The following TENM3 variants were observed in gnomAD, a reference collection of about 807,000 sequenced individuals.
The protein encoded by TENM3 is teneurin-3.
In TENM3, 63 loss-of-function variants were observed where a neutral mutation model predicts 255.1. The ratio of observed to expected loss-of-function variants is 0.25; its 90% CI spans 0.20 to 0.30. The LOEUF (loss-of-function observed/expected upper bound fraction) is 0.30, where lower values mean the gene tolerates loss of function less well. TENM3 is among the 10% of genes least tolerant of loss of function. The probability of loss-of-function intolerance (pLI) is 1.00; values close to 1 mark genes in which losing one functional copy is unlikely to be tolerated. For missense variants in TENM3, 2,929 were observed against 3,461.1 expected (o/e 0.85, Z 3.86); for synonymous variants, 1,306 against 1,322.3 (o/e 0.99, Z 0.27).
At chr4:182,528,161 A>C (rs1350853159) in intron 3 of TENM3, among the ~76,000 whole-genome samples, 1 of 152,172 alleles carries the variant, frequency 6.6e-6, no homozygotes, top group East Asian at 1.9e-4. Flanking sequence ...TCTGTCGCCA[A>C]GGCTGGAGTG....
the TENM3 span, among the ~76,000 whole-genome samples, chr4:181,577,152 TA>T: frequency 4.4e-5 from 6 of 135,106 alleles, no homozygotes; most frequent in African/African-American, 1.7e-4. Flanking sequence ...ATAATTAATA[TA>T]TATATAAATA....
chr4:181,692,998 C>T, the TENM3 span, among the ~76,000 whole-genome samples: 1 of 152,060 alleles, frequency 6.6e-6, no homozygotes, highest in Non-Finnish European at 1.5e-5. Flanking sequence ...TTGGGATCCC[C>T]TTGGAGCCCC....
intron 6 of TENM3, among the ~76,000 whole-genome samples, chr4:182,654,821 C>G (rs749419791): frequency 2.6e-5 from 4 of 152,020 alleles, no homozygotes; most frequent in Non-Finnish European, 5.9e-5. Context: ...TCACATGTAC[C>G]CATTTACTGG....
At chr4:182,309,844 G>A (rs1436836335) in intron 1 of TENM3, among the ~76,000 whole-genome samples, 3 of 152,138 alleles carry the variant, frequency 2.0e-5, no homozygotes, top group Admixed American at 1.3e-4. Context: ...CGGACACCGG[G>A]CAATGTACTT....
chr4:181,641,716 T>TATATATC, the TENM3 span, among the ~76,000 whole-genome samples: 10 of 123,526 alleles, frequency 8.1e-5, no homozygotes, highest in East Asian at 2.0e-3. Context: ...TATTATATAT[T>TATATATC]ATATGTATAA....
At chr4:182,223,117 A>G (rs1755941676) in intron 1 of TENM3, among the ~76,000 whole-genome samples, 1 of 152,232 alleles carries the variant, frequency 6.6e-6, no homozygotes, top group Non-Finnish European at 1.5e-5. Flanking sequence ...AAAAGAGAGA[A>G]GAAACTATGG....
At chr4:182,562,160 C>A (rs1743269724) in intron 3 of TENM3, among the ~76,000 whole-genome samples, 1 of 152,074 alleles carries the variant, frequency 6.6e-6, no homozygotes, top group African/African-American at 2.4e-5. Context: ...GTCTAGGCAA[C>A]CTTAGGCTGT....
intron 1 of TENM3, among the ~76,000 whole-genome samples, chr4:182,185,980 TA>T (rs1753123957): frequency 6.6e-6 from 1 of 152,188 alleles, no homozygotes; most frequent in Non-Finnish European, 1.5e-5. Flanking sequence ...CATTCTAAGA[TA>T]ATTAAAGTAA....
At chr4:182,062,107 A>G in the TENM3 span, among the ~76,000 whole-genome samples, 1 of 152,220 alleles carries the variant, frequency 6.6e-6, no homozygotes, top group East Asian at 1.9e-4. Flanking sequence ...ACAAAATGCA[A>G]GTTAGCCTGA....
intron 4 of TENM3, among the ~76,000 whole-genome samples, chr4:182,615,100 G>A (rs1211236972): frequency 7.1e-5 from 10 of 140,504 alleles, no homozygotes; most frequent in East Asian, 2.1e-4. Context: ...TAGCAGATAC[G>A]TAAAGTGAAA....
At chr4:182,020,410 G>C in the TENM3 span, among the ~76,000 whole-genome samples, 1 of 151,994 alleles carries the variant, frequency 6.6e-6, no homozygotes, top group Non-Finnish European at 1.5e-5. Context: ...CTGGGGGAAA[G>C]GGGGAATAGA....
At chr4:181,822,578 C>G in the TENM3 span, among the ~76,000 whole-genome samples, 1 of 152,158 alleles carries the variant, frequency 6.6e-6, no homozygotes, top group Admixed American at 6.5e-5. Flanking sequence ...TATTCATTCT[C>G]CATATTGTTC....
rs112722137 is a variant in TENM3 at position 182,261,320 on chromosome 4, C to T, written c.-76+17844C>T. Among the ~76,000 whole-genome samples the T allele has an allele frequency of 5.9e-5, 9 of 152,226 alleles. 1 individual carries two copies. The highest frequency in any genetic ancestry group is 1.2e-4 in the African/African-American group (5 of 41,554). On this transcript the variant is annotated intron_variant, in intron 1 of 27. Transcript: ENST00000511685. ...AGGCTGAGTATTTTTAAAACAAAAC[C>T]TTCCAGAGCTCCAGCACTAAAATGA... is the stretch of plus-strand genomic sequence containing the variant.
intron 3 of TENM3, among the ~76,000 whole-genome samples, chr4:182,503,152 C>G (rs1736485477): frequency 6.6e-6 from 1 of 152,074 alleles, no homozygotes; most frequent in Admixed American, 6.6e-5. Flanking sequence ...CATTCTTTTT[C>G]TCCAGCAAAT....
intron 22 of TENM3, among the ~76,000 whole-genome samples, chr4:182,758,992 G>T (rs1762934675): frequency 6.6e-6 from 1 of 152,194 alleles, no homozygotes; most frequent in Non-Finnish European, 1.5e-5. Flanking sequence ...TAAAGCTTTT[G>T]TAGGATAGAA....
chr4:182,214,429 A>G (rs1175852963), intron 1 of TENM3, among the ~76,000 whole-genome samples: 1 of 152,168 alleles, frequency 6.6e-6, no homozygotes, highest in African/African-American at 2.4e-5. Context: ...ATTATTTTCC[A>G]TTCTTGATCA....
At chr4:181,595,388 G>A in the TENM3 span, among the ~76,000 whole-genome samples, 8 of 132,080 alleles carry the variant, frequency 6.1e-5, no homozygotes, top group Non-Finnish European at 1.5e-5. Flanking sequence ...CTGAGGTCGC[G>A]CCACTGCACT....
intron 3 of TENM3, among the ~76,000 whole-genome samples, chr4:182,518,936 ACGGGG>A (rs1738275656): frequency 6.6e-6 from 1 of 152,210 alleles, no homozygotes; most frequent in African/African-American, 2.4e-5. Flanking sequence ...CCTGCTGTGT[ACGGGG>A]CATATACTGG....
the TENM3 span, among the ~76,000 whole-genome samples, chr4:181,813,694 A>G: frequency 6.6e-6 from 1 of 152,236 alleles, no homozygotes; most frequent in Non-Finnish European, 1.5e-5. Context: ...CTGTAATTTG[A>G]GAATGGGGAC....
Sources: gnomAD v4.1 joint callset for allele counts (sites outside exome capture counted in the v4.1 genomes callset) on GRCh38, gnomAD v4.1.1 for gene constraint, MANE v1.5 for transcripts, NCBI Gene and HGNC (gene_info 2026-07-23, HGNC 2026-07-21) for gene names.